FBXL17: variants seen among roughly 807,000 people sequenced by gnomAD.
The protein encoded by FBXL17 is F-box and leucine rich repeat protein 17, also known as F-box/LRR-repeat protein 17.
FBXL17 carries 22 observed loss-of-function variants against 66.2 expected under a neutral mutation model. The ratio of observed to expected loss-of-function variants is 0.33; its 90% CI spans 0.24 to 0.47. The LOEUF is 0.47. Among genes scored for constraint, FBXL17 ranks in the 20% least tolerant of loss-of-function variants. The pLI is 1.00. For synonymous variants in FBXL17, 474 were observed against 400.5 expected (o/e 1.18, Z -2.19); for missense variants, 878 against 948.2 (o/e 0.93, Z 0.97).
intron 6 of FBXL17, among the ~76,000 whole-genome samples, chr5:108,138,369 C>T (rs114731046): frequency 0.011 from 1,655 of 151,374 alleles, 42 homozygotes; most frequent in African/African-American, 0.038. Flanking sequence ...GAATTTAAAA[C>T]TCTCTCTCTT....
chr5:108,337,142 G>A lies in FBXL17; in HGVS notation c.1506+11257C>T, dbSNP rs554338401. ...GTGGTGGTGCACGCCTGTAGTCCCA[G>A]CTACTTGGGAGGCTGAGGCAGGACA... On this transcript the variant is annotated intron_variant, in intron 4 of 8. Transcript: ENST00000542267. Among the ~76,000 whole-genome samples, 18 of 151,932 alleles carry A rather than the reference G, an allele frequency of 1.2e-4. No individual in the cohort carries two copies. The East Asian group carries it at 3.3e-3, about 28-fold the overall frequency.
At chr5:108,297,502 A>G (rs758434618) in intron 4 of FBXL17, among the ~76,000 whole-genome samples, 2 of 151,712 alleles carry the variant, frequency 1.3e-5, no homozygotes, top group Admixed American at 6.6e-5. Context: ...AATTATTTTC[A>G]GACTATGTGG....
chr5:108,129,594 T>A (rs1750850746), intron 6 of FBXL17, among the ~76,000 whole-genome samples: 1 of 152,032 alleles, frequency 6.6e-6, no homozygotes, highest in African/African-American at 2.4e-5. Context: ...AAGAATCATT[T>A]TGAATAACAT....
intron 8 of FBXL17, among the ~76,000 whole-genome samples, chr5:107,864,196 A>T (rs190996623): frequency 2.0e-5 from 3 of 152,352 alleles, no homozygotes; most frequent in African/African-American, 7.2e-5. Context: ...TCACTATTGA[A>T]GGAGACACTC....
rs1561365393 is a variant in FBXL17 at position 108,009,306 on chromosome 5, T to TATATATATATATATAC, written c.1822+11618_1822+11619insGTATATATATATATAT. Among the ~76,000 whole-genome samples the TATATATATATATATAC allele has an allele frequency of 2.3e-4, 4 of 17,444 alleles. 1 individual carries two copies. The highest frequency in any genetic ancestry group is 1.0e-3 in the African/African-American group (4 of 3,990). 11.4% of individuals were successfully genotyped at this position (17,444 alleles called of 152,430 possible). ...ATATATATATATATATATATACATA[T>TATATATATATATATAC]ATACATACACATATAGTTTTGCTTT... On this transcript the variant is annotated intron_variant, in intron 7 of 8. Coordinates refer to ENST00000542267, the MANE Select transcript of FBXL17 (RefSeq NM_001163315.3).
chr5:108,268,386 A>C (rs1476689361), intron 4 of FBXL17, among the ~76,000 whole-genome samples: 1 of 152,068 alleles, frequency 6.6e-6, no homozygotes, highest in Non-Finnish European at 1.5e-5. Context: ...ATCTCAAAGT[A>C]TAAGATTTAA....
chr5:108,243,686 T>G (rs931842715), intron 4 of FBXL17, among the ~76,000 whole-genome samples: 2 of 152,184 alleles, frequency 1.3e-5, no homozygotes, highest in African/African-American at 4.8e-5. Context: ...AATAAGATAT[T>G]TAAATTAACA....
At chr5:108,100,694 C>G (rs1023639505) in intron 6 of FBXL17, among the ~76,000 whole-genome samples, 4 of 152,140 alleles carry the variant, frequency 2.6e-5, no homozygotes, top group Non-Finnish European at 4.4e-5. Context: ...ATATTCCTGG[C>G]TTCTTCAGGT....
chr5:108,177,978 G>A (rs1752860264), intron 6 of FBXL17, among the ~76,000 whole-genome samples: 1 of 146,170 alleles, frequency 6.8e-6, no homozygotes, highest in Non-Finnish European at 1.5e-5. Flanking sequence ...GCCAATCATG[G>A]TTTTAGAAAG....
At chr5:108,280,671 T>C (rs949828151) in intron 4 of FBXL17, among the ~76,000 whole-genome samples, 1 of 151,744 alleles carries the variant, frequency 6.6e-6, no homozygotes, top group Non-Finnish European at 1.5e-5. Flanking sequence ...ATATTAGTGT[T>C]TACCTTGAAT....
intron 5 of FBXL17, among the ~76,000 whole-genome samples, chr5:108,221,889 T>C (rs961197614): frequency 6.6e-6 from 1 of 152,190 alleles, no homozygotes; most frequent in African/African-American, 2.4e-5. Context: ...ATGTCCTCTT[T>C]TGCCTTTACT....
rs74801255 is a variant in FBXL17 at position 107,891,708 on chromosome 5, T to G, written c.1823-10529A>C. 1.4e-4 allele frequency among the ~76,000 whole-genome samples: 21 copies of G among 152,204 alleles called. 1 individual carries two copies. Among genetic ancestry groups the G allele is most frequent in the Admixed American group, 1.0e-3 (16 of 15,282 alleles). ...GGAATTTCTTACATGGAATTTTACA[T>G]AGTTGCTCTTTGTGTCCTTGTGTGT... On this transcript the variant is annotated intron_variant, in intron 7 of 8. Coordinates refer to ENST00000542267, the MANE Select transcript of FBXL17 (RefSeq NM_001163315.3).
chr5:108,193,783 C>T (rs865982928), intron 5 of FBXL17, among the ~76,000 whole-genome samples: 2 of 152,126 alleles, frequency 1.3e-5, no homozygotes, highest in South Asian at 4.2e-4. Flanking sequence ...TAGCTATGAT[C>T]TTAATTCTCA....
At chr5:108,223,351 T>C (rs911060445) in intron 5 of FBXL17, among the ~76,000 whole-genome samples, 2 of 152,152 alleles carry the variant, frequency 1.3e-5, no homozygotes, top group East Asian at 1.9e-4. Flanking sequence ...AGTTGTGAAA[T>C]GAAGGAAGGT....
intron 7 of FBXL17, among the ~76,000 whole-genome samples, chr5:107,943,201 C>T (rs1186836330): frequency 8.5e-5 from 13 of 152,176 alleles, no homozygotes; most frequent in Non-Finnish European, 1.8e-4. Context: ...CCCAGACTCT[C>T]CTAAGCTTTA....
At chr5:107,964,385 A>G (rs2067765) in intron 7 of FBXL17, among the ~76,000 whole-genome samples, 20,635 of 151,564 alleles carry the variant, frequency 0.14, 1,608 homozygotes, top group East Asian at 0.2. Flanking sequence ...TATTTAGAGA[A>G]TAAACATTAC....
chr5:108,019,594 T>C (rs1378824615), intron 7 of FBXL17, among the ~76,000 whole-genome samples: 9 of 151,946 alleles, frequency 5.9e-5, no homozygotes, highest in Admixed American at 6.6e-5. Flanking sequence ...AATCAAAGTA[T>C]TAGTTAATTA....
At chr5:108,058,610 G>A (rs927351896) in intron 6 of FBXL17, among the ~76,000 whole-genome samples, 4 of 151,840 alleles carry the variant, frequency 2.6e-5, no homozygotes, top group African/African-American at 9.7e-5. Context: ...TCAGCCTCCC[G>A]AGTAGTTGGG....
At chr5:108,000,393 A>C (rs1010399628) in intron 7 of FBXL17, among the ~76,000 whole-genome samples, 6 of 152,200 alleles carry the variant, frequency 3.9e-5, no homozygotes, top group African/African-American at 1.4e-4. Context: ...CAGCAGTACT[A>C]TAAAAAACTG....
Sources: allele counts gnomAD v4.1 joint callset (sites outside exome capture counted in the v4.1 genomes callset), GRCh38; gene constraint gnomAD v4.1.1; transcripts MANE v1.5; gene names NCBI Gene and HGNC (gene_info 2026-07-23, HGNC 2026-07-21).